The following TRMT9B variants were observed in gnomAD, a reference collection of about 807,000 sequenced individuals.
The protein encoded by TRMT9B is tRNA methyltransferase 9B (putative), also known as probable tRNA methyltransferase 9B.
Under a neutral mutation model 11.5 loss-of-function variants are expected in TRMT9B, and 16 were observed. The observed-to-expected ratio is 1.39, with a 90% CI of 0.94 to 2.11. The LOEUF is 2.11. Ranked by LOEUF, TRMT9B falls within the 30% of genes most tolerant of loss-of-function variation. The pLI is 0.00. For synonymous variants in TRMT9B, 274 were observed against 192.4 expected (o/e 1.42, Z -3.51); for missense variants, 941 against 553.8 (o/e 1.70, Z -7.02).
chr8:13,026,923 A>G lies in TRMT9B; in HGVS notation c.*4879A>G, dbSNP rs1016589785. The stretch of plus-strand genomic sequence containing the variant: ...GATTACACAGCTAGACAATAATTCA[A>G]TAGTAGTCTCTTACATATTTTCCCT... On this transcript the variant is annotated 3_prime_UTR_variant, in exon 5 of 5. Transcript: ENST00000524591. The G allele has an allele frequency of 1.8e-5, 3 of 167,090 alleles. No individual in the cohort carries two copies. Among genetic ancestry groups the G allele is most frequent in the East Asian group, 1.9e-4 (1 of 5,210 alleles). The allele number at this position is 167,090 out of a possible 1,614,324, so 10.4% of individuals were successfully genotyped here.
chr8:13,021,500 C>G lies in TRMT9B; in HGVS notation c.821C>G (p.Thr274Arg). 1 of 1,613,598 alleles carries G rather than the reference C, an allele frequency of 6.2e-7. No homozygotes were observed. The highest frequency in any genetic ancestry group is 8.5e-7 in the Non-Finnish European group (1 of 1,179,600). Residue 274 changes from threonine (T) to arginine (R), a missense_variant, in exon 5 of 5, where the codon ACA becomes AGA. Coordinates refer to ENST00000524591, the MANE Select transcript of TRMT9B (RefSeq NM_020844.3). ...GAAAGAGTAAGACCCTTGAAAAACA[C>G]AGAAGTTTGGGCCAGTAGCACTGTA... Reference protein sequence around the residue: ...QIERVRPLKNTEVWASSTVTV... With the variant: ...QIERVRPLKNREVWASSTVTV...
Position 13,017,144 on chromosome 8 carries a change from G to A in TRMT9B, c.329-3864G>A, listed in dbSNP as rs539150760. Among the ~76,000 whole-genome samples the A allele has an allele frequency of 1.1e-3, 161 of 151,950 alleles. 1 individual carries two copies. The highest frequency in any genetic ancestry group is 1.7e-3 in the Non-Finnish European group (113 of 67,964). On this transcript the variant is annotated intron_variant, in intron 4 of 4. Coordinates refer to ENST00000524591, the MANE Select transcript of TRMT9B (RefSeq NM_020844.3). Reference sequence around the variant, plus strand: ...TCTCAAAAAAACCCCGAATTATCTAGCCCAAAATGTCAATAGTACTGATGT... The same window carrying A: ...TCTCAAAAAAACCCCGAATTATCTAACCCAAAATGTCAATAGTACTGATGT...
At chr8:12,949,792 C>T (rs940185068) in intron 1 of TRMT9B, among the ~76,000 whole-genome samples, 1 of 152,158 alleles carries the variant, frequency 6.6e-6, no homozygotes, top group Non-Finnish European at 1.5e-5. Flanking sequence ...GAATCTCTGC[C>T]TCTATTATGT....
At chr8:12,958,063 T>C (rs532471203) in intron 1 of TRMT9B, among the ~76,000 whole-genome samples, 2 of 152,190 alleles carry the variant, frequency 1.3e-5, no homozygotes, top group South Asian at 4.2e-4. Flanking sequence ...CGAGACTGGG[T>C]GATTTATAAA....
intron 1 of TRMT9B, among the ~76,000 whole-genome samples, chr8:12,989,318 G>T (rs371371380): frequency 1.3e-5 from 2 of 152,032 alleles, no homozygotes; most frequent in African/African-American, 4.8e-5. Context: ...AGATATATAC[G>T]ACCCCATTCT....
intron 2 of TRMT9B, among the ~76,000 whole-genome samples, chr8:13,000,777 T>G (rs960340931): frequency 2.0e-5 from 3 of 152,206 alleles, no homozygotes; most frequent in Non-Finnish European, 4.4e-5. Context: ...AAAATAATCA[T>G]TTCAAAATGT....
At chr8:12,979,705 G>A (rs1805045560) in intron 1 of TRMT9B, among the ~76,000 whole-genome samples, 1 of 152,010 alleles carries the variant, frequency 6.6e-6, no homozygotes, top group South Asian at 2.1e-4. Flanking sequence ...GTCCCATTCT[G>A]GACTTAATGA....
At chr8:12,981,490 G>A (rs17784113) in intron 1 of TRMT9B, among the ~76,000 whole-genome samples, 46,770 of 152,042 alleles carry the variant, frequency 0.31, 8,059 homozygotes, top group Middle Eastern at 0.51. Flanking sequence ...TGAGTGTGAC[G>A]GCACGGAGCA....
intron 2 of TRMT9B, among the ~76,000 whole-genome samples, chr8:12,992,591 C>T (rs1807559914): frequency 6.6e-6 from 1 of 151,996 alleles, no homozygotes; most frequent in Non-Finnish European, 1.5e-5. Context: ...GTGGCTCATG[C>T]TTGCAATCCC....
At chr8:12,983,099 A>C (rs1805682459) in intron 1 of TRMT9B, among the ~76,000 whole-genome samples, 2 of 152,148 alleles carry the variant, frequency 1.3e-5, no homozygotes, top group African/African-American at 4.8e-5. Flanking sequence ...TATTGTTGAA[A>C]ATGTCAAAAA....
At chr8:12,982,170 G>A (rs1306356235) in intron 1 of TRMT9B, among the ~76,000 whole-genome samples, 1 of 152,168 alleles carries the variant, frequency 6.6e-6, no homozygotes, top group African/African-American at 2.4e-5. Flanking sequence ...GTCCCTTTGA[G>A]ATTTTTCTGG....
rs1312411036 is a variant in TRMT9B at position 13,024,858 on chromosome 8, G to C, written c.*2814G>C. 2 of 166,722 alleles carry C rather than the reference G, an allele frequency of 1.2e-5. No individual in the cohort carries two copies. The highest frequency in any genetic ancestry group is 4.8e-5 in the African/African-American group (2 of 41,352). The allele number at this position is 166,722 out of a possible 1,614,324, so 10.3% of individuals were successfully genotyped here. ...TTTGGTGATTGATAATCTCTCTTTGGGGTAGTCACATGGAAAGCTCTTTTA... is the reference window on the plus strand; with the variant it reads ...TTTGGTGATTGATAATCTCTCTTTGCGGTAGTCACATGGAAAGCTCTTTTA... On this transcript the variant is annotated 3_prime_UTR_variant, in exon 5 of 5. Transcript: ENST00000524591.
chr8:13,004,799 G>A (rs1330561652), intron 2 of TRMT9B, among the ~76,000 whole-genome samples: 1 of 152,076 alleles, frequency 6.6e-6, no homozygotes, highest in African/African-American at 2.4e-5. Context: ...ACAAGGAAAG[G>A]GGACTTTGCC....
chr8:12,987,151 G>A (rs1250776316), intron 1 of TRMT9B, among the ~76,000 whole-genome samples: 1 of 152,118 alleles, frequency 6.6e-6, no homozygotes, highest in African/African-American at 2.4e-5. Context: ...AAATTATCTG[G>A]GTTCAAATCC....
intron 1 of TRMT9B, among the ~76,000 whole-genome samples, chr8:12,962,370 C>G (rs1340576786): frequency 6.6e-6 from 1 of 152,150 alleles, no homozygotes; most frequent in Non-Finnish European, 1.5e-5. Flanking sequence ...GATCTCTTGT[C>G]TGATAGTTTG....
chr8:13,021,711 T>C lies in TRMT9B; in HGVS notation c.1032T>C (p.Asn344=), dbSNP rs745746274. 1.5e-5 allele frequency: 25 copies of C among 1,613,192 alleles called. No individual in the cohort carries two copies. Among genetic ancestry groups the C allele is most frequent in the Non-Finnish European group, 2.0e-5 (24 of 1,179,648 alleles). ...ACCATCAAGGGGAAATGAGGAGAAA[T>C]GGAGGGGGAAATTTTCTGGATAGCA... The part of the protein sequence containing the change: ...NGDHQGEMRR[N]GGGNFLDSTN... Residue 344 remains asparagine, a synonymous_variant, in exon 5 of 5, where the codon AAT becomes AAC. Transcript: ENST00000524591.
chr8:12,982,244 G>A (rs1422583549), intron 1 of TRMT9B, among the ~76,000 whole-genome samples: 1 of 152,136 alleles, frequency 6.6e-6, no homozygotes, highest in Admixed American at 6.5e-5. Flanking sequence ...AGGCAGAGGT[G>A]ATAGGGAAGG....
At chr8:13,013,776 C>A (rs1812105570) in intron 4 of TRMT9B, among the ~76,000 whole-genome samples, 1 of 151,878 alleles carries the variant, frequency 6.6e-6, no homozygotes, top group Non-Finnish European at 1.5e-5. Context: ...CATGTGAAAC[C>A]CCATCTCTAC....
At chr8:12,960,031 G>A (rs1801877991) in intron 1 of TRMT9B, 1 of 152,180 alleles carries the variant, frequency 6.6e-6, no homozygotes, top group Non-Finnish European at 1.5e-5. Flanking sequence ...ATCCCTTTAT[G>A]GAAGTGGAGA....
Sources: allele counts gnomAD v4.1 joint callset (sites outside exome capture counted in the v4.1 genomes callset), GRCh38; gene constraint gnomAD v4.1.1; transcripts MANE v1.5; gene names NCBI Gene and HGNC (gene_info 2026-07-23, HGNC 2026-07-21).